The following SHMT1 variants were observed in gnomAD, a reference collection of about 807,000 sequenced individuals.
The protein encoded by SHMT1 is serine hydroxymethyltransferase 1, also known as serine hydroxymethyltransferase, cytosolic.
A neutral mutation model predicts 49.0 loss-of-function variants in SHMT1; 45 were observed. The observed-to-expected ratio is 0.92, with a 90% CI of 0.72 to 1.18. SHMT1 has a LOEUF of 1.18. Among genes scored for constraint, SHMT1 ranks in the 50% most tolerant of loss-of-function variants. The pLI is 0.00. For synonymous variants in SHMT1, 232 were observed against 246.6 expected (o/e 0.94, Z 0.55); for missense variants, 541 against 612.4 (o/e 0.88, Z 1.23).
chr17:18,351,682 G>C (rs1164565636), intron 3 of SHMT1, among the ~76,000 whole-genome samples: 1 of 152,048 alleles, frequency 6.6e-6, no homozygotes, highest in Non-Finnish European at 1.5e-5. Context: ...GCTGAGGCAA[G>C]AGAATCGCTT....
At position 18,340,507 on chromosome 17, in the gene SHMT1, ATGCTTCTC is replaced by A; in HGVS notation, c.601+217_601+224del. On this transcript the variant is annotated intron_variant, in intron 6 of 11. Coordinates refer to ENST00000316694, the MANE Select transcript of SHMT1 (RefSeq NM_004169.5). The surrounding 1 kb of genome is among the most constrained non-coding windows in gnomAD (Gnocchi z 4.5). Reference sequence around the variant, plus strand: ...CGCAGTCAGGGCCTGACATTTCTAGATGCTTCTCTGAGAACAGTCTCACATCTTAATCT... The same window carrying A: ...CGCAGTCAGGGCCTGACATTTCTAGATGAGAACAGTCTCACATCTTAATCT... 1 of 671,684 alleles carries A rather than the reference ATGCTTCTC, an allele frequency of 1.5e-6. No homozygotes were observed. The highest frequency in any genetic ancestry group is 2.7e-5 in the East Asian group (1 of 36,978). 41.6% of individuals were successfully genotyped at this position (671,684 alleles called of 1,614,324 possible).
chr17:18,352,165 T>TTTTTA (rs1598056691), intron 3 of SHMT1, among the ~76,000 whole-genome samples: 2 of 150,708 alleles, frequency 1.3e-5, no homozygotes, highest in African/African-American at 4.9e-5. Context: ...TTTTTTTTTT[T>TTTTTA]GAGACGGAGG....
At chr17:18,346,762 C>CT (rs1315014635) in intron 5 of SHMT1, among the ~76,000 whole-genome samples, 3 of 152,196 alleles carry the variant, frequency 2.0e-5, no homozygotes, top group Admixed American at 2.0e-4. Flanking sequence ...CTGTGGTACC[C>CT]TCCACTGGGC....
intron 8 of SHMT1, among the ~76,000 whole-genome samples, chr17:18,334,437 C>G (rs1168246947): frequency 6.6e-6 from 1 of 152,216 alleles, no homozygotes; most frequent in Non-Finnish European, 1.5e-5. Context: ...TTTCCCTAAG[C>G]ATGGAAGTTC....
rs372091692 is a variant in SHMT1, at chr17:18,351,890, G to A, written c.242+1782C>T. ...AACAGGGTCTCATTCTGTCACCCCA[G>A]CTGGAGTGCATTGGCAAAATCATAG... is the stretch of plus-strand genomic sequence containing the variant. On this transcript the variant is annotated intron_variant, in intron 3 of 11. Transcript: ENST00000316694. Among the ~76,000 whole-genome samples, 5 of 152,086 alleles carry A rather than the reference G, an allele frequency of 3.3e-5. No homozygotes were observed. The East Asian group carries it at 7.7e-4, about 23-fold the overall frequency.
intron 3 of SHMT1, among the ~76,000 whole-genome samples, chr17:18,351,709 G>T (rs1434782653): frequency 6.6e-6 from 1 of 152,046 alleles, no homozygotes; most frequent in Non-Finnish European, 1.5e-5. Flanking sequence ...GGGAGGTGGA[G>T]GCTGCAGTGA....
intron 2 of SHMT1, 142 bp downstream of exon 2, chr17:18,355,744 A>T: frequency 1.5e-6 from 1 of 683,342 alleles, no homozygotes; most frequent in Non-Finnish European, 2.7e-6. Flanking sequence ...AAGGATTTGT[A>T]GCCATTTTGT....
chr17:18,342,871 G>C (rs1984668648), intron 5 of SHMT1, among the ~76,000 whole-genome samples: 1 of 151,906 alleles, frequency 6.6e-6, no homozygotes, highest in South Asian at 2.1e-4. Flanking sequence ...AGGAGGCGGA[G>C]GTTGCAGTGA....
intron 1 of SHMT1, among the ~76,000 whole-genome samples, chr17:18,358,629 T>C (rs1401381232): frequency 6.6e-6 from 1 of 152,156 alleles, no homozygotes; most frequent in African/African-American, 2.4e-5. Context: ...GGGCTGGGTG[T>C]GGTGGTTCAT....
chr17:18,353,890 C>T, intron 2 of SHMT1, 73 bp from the exon 3 acceptor site: 1 of 1,314,600 alleles, frequency 7.6e-7, no homozygotes, highest in Non-Finnish European at 1.1e-6. Context: ...CAAATTACAA[C>T]CTCCTAAAGA....
At chr17:18,335,882 A>G (rs1400251927) in intron 7 of SHMT1, among the ~76,000 whole-genome samples, 1 of 152,140 alleles carries the variant, frequency 6.6e-6, no homozygotes, top group African/African-American at 2.4e-5. Context: ...AAACCAACAC[A>G]TCATGGATGA....
At chr17:18,352,150 CT>C (rs60700438) in intron 3 of SHMT1, among the ~76,000 whole-genome samples, 73 of 132,732 alleles carry the variant, frequency 5.5e-4, no homozygotes, top group Middle Eastern at 3.9e-3. Context: ...CAGTCCCCTT[CT>C]TTTTTTTTTT....
At chr17:18,338,769 C>A (rs1984140597) in intron 7 of SHMT1, among the ~76,000 whole-genome samples, 1 of 152,170 alleles carries the variant, frequency 6.6e-6, no homozygotes, top group African/African-American at 2.4e-5. Context: ...CTCTCTGAAA[C>A]ATGTGCTGTG....
intron 5 of SHMT1, among the ~76,000 whole-genome samples, chr17:18,344,548 TA>T (rs1369767489): frequency 1.3e-5 from 1 of 76,784 alleles, no homozygotes; most frequent in Non-Finnish European, 2.5e-5. Flanking sequence ...GACATAATTC[TA>T]AAATTTTTTG....
In SHMT1 at chr17:18,340,116, G is replaced by C. The variant is rs753931320; in HGVS notation, c.741C>G (p.His247Gln). ...AAGVVPSPFE[H>Q]CHVVTTTTHK... ...GAGTGGTGGTGGTCACCACATGGCA[G>C]TGTTCAAATGGGGAGGGCACCACGC... is the stretch of plus-strand genomic sequence containing the variant. The change falls in exon 7 of 12, where the codon CAC becomes CAG. Residue 247 changes from histidine (H) to glutamine (Q), a missense_variant. Transcript: ENST00000316694. The surrounding 1 kb of genome is among the most constrained non-coding windows in gnomAD (Gnocchi z 4.5). The C allele has an allele frequency of 1.2e-6, 2 of 1,614,174 alleles. No homozygotes were observed. Among genetic ancestry groups the C allele is most frequent in the Non-Finnish European group, 1.7e-6 (2 of 1,180,052 alleles).
At chr17:18,351,513 C>G (rs895801739) in intron 3 of SHMT1, among the ~76,000 whole-genome samples, 4 of 151,366 alleles carry the variant, frequency 2.6e-5, no homozygotes, top group African/African-American at 9.7e-5. Flanking sequence ...AATCCCAACA[C>G]TTTGGGAGAC....
intron 1 of SHMT1, among the ~76,000 whole-genome samples, chr17:18,356,873 C>A (rs1040495026): frequency 6.6e-6 from 1 of 152,108 alleles, no homozygotes; most frequent in Non-Finnish European, 1.5e-5. Context: ...TCCTCTCAGC[C>A]AAACTTCTCA....
chr17:18,356,051 T>G, intron 1 of SHMT1, 51 bp from the exon 2 acceptor site: 1 of 860,322 alleles, frequency 1.2e-6, no homozygotes, highest in Non-Finnish European at 1.8e-6. Flanking sequence ...ATTTATTTAT[T>G]TTATTTATTT....
At position 18,328,803 on chromosome 17, in the gene SHMT1, C is replaced by T; in HGVS notation, c.1399G>A (p.Glu467Lys). The T allele has an allele frequency of 6.2e-7, 1 of 1,607,578 alleles. No homozygotes were observed. The change falls in exon 12 of 12, where the codon GAG becomes AAG. Residue 467 changes from glutamate (E) to lysine (K), a missense_variant. Physicochemically the swap from Glu to Lys is moderately conservative, Grantham distance 56 (BLOSUM62 1). Coordinates refer to ENST00000316694, the MANE Select transcript of SHMT1 (RefSeq NM_004169.5). ...AAGAGAGAGGCGAAGCTCTCAACCT[C>T]CTCCCGGAGAGCCTGCACGGCCGCC... ...YQAAVQALRE[E>K]VESFASLFPL...
Sources: allele counts gnomAD v4.1 joint callset (sites outside exome capture counted in the v4.1 genomes callset), GRCh38; gene constraint gnomAD v4.1.1; non-coding constraint Gnocchi (gnomAD v3.1); transcripts MANE v1.5; gene names NCBI Gene and HGNC (gene_info 2026-07-23, HGNC 2026-07-21).